Variants in ASPM observed in about 807,000 individuals in gnomAD.
ASPM encodes the protein assembly factor for spindle microtubules.
In ASPM, 256 loss-of-function variants were observed where a neutral mutation model predicts 366.4. The observed-to-expected ratio is 0.70, with a 90% CI of 0.63 to 0.77. The LOEUF (loss-of-function observed/expected upper bound fraction) is 0.77, where lower values mean the gene tolerates loss of function less well. ASPM is among the 30% of genes least tolerant of loss of function. The pLI is 0.00. For synonymous variants in ASPM, 1,414 were observed against 1,342.9 expected, an observed-to-expected ratio of 1.05 and a Z score of -1.16; for missense variants, 4,146 against 4,090.4, an observed-to-expected ratio of 1.01 and a Z score of -0.37.
At chr1:197,117,167 T>A (rs1303945475) in intron 17 of ASPM, among the ~76,000 whole-genome samples, 1 of 152,098 alleles carries the variant, frequency 6.6e-6, no homozygotes, top group Non-Finnish European at 1.5e-5. Context: ...TTCAAATTCA[T>A]AAATCAGATA....
At chr1:197,090,422 A>G (rs754384366) in intron 23 of ASPM, 34 bp from the exon 24 acceptor site, 1 of 1,494,262 alleles carries the variant, frequency 6.7e-7, no homozygotes. Flanking sequence ...TTTTAAGATT[A>G]TAGCCAATGT....
At chr1:197,140,145 C>A (rs1324175279) in intron 3 of ASPM, among the ~76,000 whole-genome samples, 1 of 152,240 alleles carries the variant, frequency 6.6e-6, no homozygotes, top group Non-Finnish European at 1.5e-5. Context: ...ATTCCAGACT[C>A]TCTACGAGGT....
Position 197,090,862 on chromosome 1 carries a change from G to T in ASPM, c.9624C>A (p.Ile3208=), listed in dbSNP as rs768731480. ...AAGTTTCAATTACCTGAATTTTAAT[G>T]ATTCCACTAGTGAATTTTTCCTGCT... ...RKKQEKFTSG[I]IKIQALWRGY... is the part of the protein sequence containing the mutation. The change falls in exon 23 of 28, where the codon ATC becomes ATA. Residue 3208 remains isoleucine, a synonymous_variant. Coordinates refer to ENST00000367409, the MANE Select transcript of ASPM (RefSeq NM_018136.5). 39 of 1,612,458 alleles carry T rather than the reference G, an allele frequency of 2.4e-5. No homozygotes were observed. Among genetic ancestry groups the T allele is most frequent in the Non-Finnish European group, 3.1e-5 (37 of 1,179,138 alleles).
At position 197,104,799 on chromosome 1, in the gene ASPM, A is replaced by G; in HGVS notation, c.4452T>C (p.Tyr1484=). The G allele has an allele frequency of 6.3e-7, 1 of 1,583,368 alleles. No individual in the cohort carries two copies. Among genetic ancestry groups the G allele is most frequent in the African/African-American group, 1.4e-5 (1 of 73,064 alleles). The part of the protein sequence containing the change: ...WYRMHKELRK[Y]IYIRSCVVII... ...TAACAACACAAGATCTAATATAAAT[A>G]TATTTCCGTAATTCTTTATGCATTC... is the stretch of plus-strand genomic sequence containing the variant. The change falls in exon 18 of 28, where the codon TAT becomes TAC. Residue 1484 remains tyrosine, a synonymous_variant. Coordinates refer to ENST00000367409, the MANE Select transcript of ASPM (RefSeq NM_018136.5).
chr1:197,145,152 G>A (rs949575554), intron 1 of ASPM, among the ~76,000 whole-genome samples: 1 of 152,172 alleles, frequency 6.6e-6, no homozygotes, highest in East Asian at 1.9e-4. Context: ...TCTTTTTTCT[G>A]CCTAATGAAG....
intron 10 of ASPM, among the ~76,000 whole-genome samples, chr1:197,126,547 T>C (rs1658098056): frequency 1.4e-5 from 2 of 147,044 alleles, no homozygotes; most frequent in Admixed American, 1.3e-4. Context: ...GGAAAAAGTA[T>C]AAAAACAATT....
Position 197,129,192 on chromosome 1 carries a change from A to T in ASPM, c.2755T>A (p.Phe919Ile), listed in dbSNP as rs1274625099. 6.2e-7 allele frequency: 1 copy of T among 1,612,250 alleles called. No individual in the cohort carries two copies. The highest frequency in any genetic ancestry group is 8.5e-7 in the Non-Finnish European group (1 of 1,178,812). Reference sequence around the variant, plus strand: ...GCATACAATGAAAAGCATACCTTGAATTCGGCATCTTTACAGAAGAGACAA... The same window carrying T: ...GCATACAATGAAAAGCATACCTTGATTTCGGCATCTTTACAGAAGAGACAA... ...DPCLFCKDAEFKASKEILLAF... is the reference protein window; with the variant it reads ...DPCLFCKDAEIKASKEILLAF... Residue 919 changes from phenylalanine to isoleucine, a missense_variant, in exon 9 of 28, where the codon TTC (phenylalanine) becomes ATC (isoleucine). Coordinates refer to ENST00000367409, the MANE Select transcript of ASPM (RefSeq NM_018136.5).
chr1:197,094,011 A>T (rs1413569696), intron 20 of ASPM, 73 bp downstream of exon 20: 1 of 1,058,646 alleles, frequency 9.4e-7, no homozygotes, highest in East Asian at 2.7e-5. Flanking sequence ...TAAAAATTAA[A>T]AAATACAAAA....
At chr1:197,105,921 G>A (rs563141255) in intron 17 of ASPM, among the ~76,000 whole-genome samples, 1 of 152,088 alleles carries the variant, frequency 6.6e-6, no homozygotes, top group South Asian at 2.1e-4. Flanking sequence ...ATGGTCCCAG[G>A]CTAATGGTAG....
In ASPM at chr1:197,124,193, T is replaced by C. The variant is rs1658006094; in HGVS notation, c.3307A>G (p.Ser1103Gly). The change falls in exon 13 of 28, where the codon AGT becomes GGT. Residue 1103 changes from serine (S) to glycine (G), a missense_variant. Coordinates refer to ENST00000367409, the MANE Select transcript of ASPM (RefSeq NM_018136.5). Reference protein sequence around the residue: ...LINKKKGKRDSGSFEQYSENI... With the variant: ...LINKKKGKRDGGSFEQYSENI... ...TCACTATATTGTTCAAAGGAACCAC[T>C]ATCCCTTTTGCCTTTTTTCTTATTA... The C allele has an allele frequency of 6.2e-7, 1 of 1,612,716 alleles. No individual in the cohort carries two copies. Among genetic ancestry groups the C allele is most frequent in the Admixed American group, 1.7e-5 (1 of 59,992 alleles).
rs1657339159 is a variant in ASPM, at chr1:197,104,508, G to T, written c.4743C>A (p.Asn1581Lys). ...GAAATTTGATAATAGTCTTCTTAAG[G>T]TTTAAAAATCGAACTCTGTCTTGTC... ...RMRQDRVRFL[N>K]LKKTIIKFQA... Residue 1581 changes from asparagine to lysine, a missense_variant, in exon 18 of 28, where the codon AAC becomes AAA. By Grantham distance (94) the Asn-to-Lys change is moderately conservative (BLOSUM62 0). This residue lies in a region of ASPM where 3,624 missense variants were observed against 3,591.7 expected (regional missense o/e 1.01). Transcript: ENST00000367409. 6.2e-7 allele frequency: 1 copy of T among 1,612,320 alleles called. No individual in the cohort carries two copies. The highest frequency in any genetic ancestry group is 8.5e-7 in the Non-Finnish European group (1 of 1,179,202).
chr1:197,117,663 G>T, intron 17 of ASPM, 126 bp downstream of exon 17: 2 of 839,120 alleles, frequency 2.4e-6, no homozygotes, highest in Non-Finnish European at 3.7e-6. Flanking sequence ...GTAAATATTT[G>T]TTAAATTAAG....
intron 3 of ASPM, among the ~76,000 whole-genome samples, chr1:197,142,107 G>A (rs771255673): frequency 1.3e-5 from 2 of 151,974 alleles, no homozygotes; most frequent in South Asian, 4.1e-4. Context: ...TACTATCAAA[G>A]AATTTGTTAT....
At position 197,104,483 on chromosome 1, in the gene ASPM, G is replaced by A; in HGVS notation, c.4768C>T (p.Gln1590Ter). The A allele has an allele frequency of 1.2e-6, 2 of 1,612,684 alleles. No homozygotes were observed. The highest frequency in any genetic ancestry group is 1.7e-6 in the Non-Finnish European group (2 of 1,179,318). Residue 1590 changes from glutamine (Q) to a stop codon, truncating the protein, a stop_gained, in exon 18 of 28, where the codon CAG (glutamine) becomes TAG (stop). Coordinates refer to ENST00000367409, the MANE Select transcript of ASPM (RefSeq NM_018136.5). LOFTEE classifies it high-confidence loss of function. ...TGTTGATGTTTTCTTACATGTGCCT[G>A]AAATTTGATAATAGTCTTCTTAAGG... ...LNLKKTIIKF[Q>*]AHVRKHQQRQ...
rs186663906 is a variant in ASPM at position 197,103,405 on chromosome 1, T to A, written c.5846A>T (p.His1949Leu). The A allele has an allele frequency of 3.1e-6, 5 of 1,613,306 alleles. No homozygotes were observed. Among genetic ancestry groups the A allele is most frequent in the Non-Finnish European group, 4.2e-6 (5 of 1,179,498 alleles). The part of the protein sequence containing the change: ...KQCMEYIELR[H>L]AVLVLQSMWK... Reference sequence around the variant, plus strand: ...CATAGATTGAAGCACCAGTACCGCATGACGGAGTTCAATATACTCCATACA... The same window carrying A: ...CATAGATTGAAGCACCAGTACCGCAAGACGGAGTTCAATATACTCCATACA... Residue 1949 changes from histidine (H) to leucine (L), a missense_variant, in exon 18 of 28, where the codon CAT (histidine) becomes CTT (leucine). Around this residue, in one of 3 missense-constraint regions of ASPM, gnomAD observed 3,624 missense variants for 3,591.7 expected, o/e 1.01. Transcript: ENST00000367409.
Position 197,100,613 on chromosome 1 carries a change from A to G in ASPM, c.8638T>C (p.Leu2880=). Residue 2880 remains leucine, a synonymous_variant, in exon 18 of 28, where the codon TTA becomes CTA. Coordinates refer to ENST00000367409, the MANE Select transcript of ASPM (RefSeq NM_018136.5). ...ACCACTGCTGCTTTTCTATATAGTAAAAACTGTTTTCTGGTTTGCCACGTC... is the reference window on the plus strand; with the variant it reads ...ACCACTGCTGCTTTTCTATATAGTAGAAACTGTTTTCTGGTTTGCCACGTC... The part of the protein sequence containing the change: ...FRTWQTRKQF[L]LYRKAAVVLQ... The G allele has an allele frequency of 1.9e-6, 3 of 1,612,054 alleles. No homozygotes were observed. The highest frequency in any genetic ancestry group is 2.5e-6 in the Non-Finnish European group (3 of 1,178,874).
chr1:197,092,225 C>G (rs1656808712), intron 21 of ASPM, among the ~76,000 whole-genome samples, 169 bp from the exon 22 acceptor site: 1 of 151,546 alleles, frequency 6.6e-6, no homozygotes, highest in African/African-American at 2.4e-5. Flanking sequence ...CAATATTGTA[C>G]TATACAATAT....
At position 197,101,814 on chromosome 1, in the gene ASPM, T is replaced by G. The variant is rs1404144902; in HGVS notation, c.7437A>C (p.Glu2479Asp). 6.2e-7 allele frequency: 1 copy of G among 1,612,830 alleles called. No individual in the cohort carries two copies. Among genetic ancestry groups the G allele is most frequent in the Admixed American group, 1.7e-5 (1 of 59,806 alleles). ...GAATGAGAACTGCAGCCCTTTGCATTTCTTGTAACTTCTTCTTTACCATCA... is the reference window on the plus strand; with the variant it reads ...GAATGAGAACTGCAGCCCTTTGCATGTCTTGTAACTTCTTCTTTACCATCA... The part of the protein sequence containing the change: ...RRLMVKKKLQ[E>D]MQRAAVLIQA... The change falls in exon 18 of 28, where the codon GAA becomes GAC. Residue 2479 changes from glutamate (E) to aspartate (D), a missense_variant. Coordinates refer to ENST00000367409, the MANE Select transcript of ASPM (RefSeq NM_018136.5).
At chr1:197,141,445 T>C (rs1281111036) in intron 3 of ASPM, among the ~76,000 whole-genome samples, 1 of 152,172 alleles carries the variant, frequency 6.6e-6, no homozygotes, top group Non-Finnish European at 1.5e-5. Flanking sequence ...ATCTCAAACC[T>C]ATATCAATTG....
Sources: allele counts gnomAD v4.1 joint callset (sites outside exome capture counted in the v4.1 genomes callset), GRCh38; gene constraint gnomAD v4.1.1; regional missense constraint gnomAD v4.1.1; transcripts MANE v1.5; gene names NCBI Gene and HGNC (gene_info 2026-07-23, HGNC 2026-07-21).